The following TLN2 variants were observed in gnomAD, a reference collection of about 807,000 sequenced individuals.
The protein encoded by TLN2 is talin 2, also known as talin-2.
In TLN2, 118 loss-of-function variants were observed where a neutral mutation model predicts 294.7. The observed-to-expected ratio is 0.40, with a 90% confidence interval of 0.34 to 0.47. The LOEUF is 0.47. Ranked by LOEUF, TLN2 falls within the 20% of genes least tolerant of loss-of-function variation. The pLI is 0.84. For synonymous variants in TLN2, 1,431 were observed against 1,304.5 expected (o/e 1.10, Z -2.09); for missense variants, 3,083 against 3,282.2 (o/e 0.94, Z 1.48).
chr15:62,627,379 T>C (rs549734120), intron 3 of TLN2, among the ~76,000 whole-genome samples: 4 of 152,334 alleles, frequency 2.6e-5, no homozygotes, highest in Admixed American at 1.3e-4. Context: ...TTGTTGCTCC[T>C]GATGGAGGGA....
chr15:62,723,478 C>T (rs1287760171), intron 26 of TLN2, among the ~76,000 whole-genome samples: 1 of 152,044 alleles, frequency 6.6e-6, no homozygotes, highest in Admixed American at 6.5e-5. Flanking sequence ...AAAGCAGTGA[C>T]CCCTAAAGTG....
At chr15:62,739,128 C>G (rs2061182027) in intron 30 of TLN2, among the ~76,000 whole-genome samples, 2 of 152,162 alleles carry the variant, frequency 1.3e-5, no homozygotes, top group South Asian at 4.2e-4. Flanking sequence ...TCCACAGTGT[C>G]TAGCACTGAG....
chr15:62,478,023 G>A (rs1198054808), intron 1 of TLN2, among the ~76,000 whole-genome samples: 3 of 152,112 alleles, frequency 2.0e-5, no homozygotes, highest in African/African-American at 4.8e-5. Flanking sequence ...ATTGATTCTC[G>A]CCCTAAATAG....
chr15:62,643,787 G>A (rs2051463184), intron 3 of TLN2, among the ~76,000 whole-genome samples: 1 of 152,096 alleles, frequency 6.6e-6, no homozygotes. Flanking sequence ...TCTGCACCCA[G>A]GGTCCTTTCC....
Position 62,717,584 on chromosome 15 carries a change from C to T in TLN2, c.2772C>T (p.Ala924=), listed in dbSNP as rs750746015. The change falls in exon 24 of 59, where the codon GCC becomes GCT. Residue 924 remains alanine (A), a synonymous_variant. Coordinates refer to ENST00000636159, the MANE Select transcript of TLN2 (RefSeq NM_015059.3). ...KKIVNRLEVA[A]KQAAAAATQT... ...CTATCACTCCTCTGCAGGTTGCAGC[C>T]AAGCAGGCCGCAGCGGCAGCCACAC... The T allele has an allele frequency of 7.6e-6, 12 of 1,569,834 alleles. No individual in the cohort carries two copies. Among genetic ancestry groups the T allele is most frequent in the Admixed American group, 2.0e-5 (1 of 50,372 alleles).
chr15:62,783,916 T>G, intron 45 of TLN2, 26 bp downstream of exon 45: 1 of 1,612,856 alleles, frequency 6.2e-7, no homozygotes, highest in Non-Finnish European at 8.5e-7. Context: ...ACCCCTATTT[T>G]AAGATGCACA....
rs576353517 is a variant in TLN2, at chr15:62,421,026, G to A, written c.-238+30341G>A. ...TCATTAGATGAATGCACACTTACAC[G>A]TAGACATACATATAGTTTAGAAGGT... On this transcript the variant is annotated intron_variant, in intron 1 of 58. Coordinates refer to ENST00000636159, the MANE Select transcript of TLN2 (RefSeq NM_015059.3). Among the ~76,000 whole-genome samples the A allele has an allele frequency of 5.9e-5, 9 of 152,274 alleles. No homozygotes were observed. In the East Asian group the frequency reaches 1.2e-3, roughly 20 times the overall value.
At chr15:62,467,528 A>C (rs2037208093) in intron 1 of TLN2, among the ~76,000 whole-genome samples, 1 of 152,152 alleles carries the variant, frequency 6.6e-6, no homozygotes. Context: ...CCTCGTCTCT[A>C]CTAAAAATAC....
intron 28 of TLN2, 145 bp from the exon 29 acceptor site, chr15:62,736,733 T>C (rs1449726351): frequency 3.3e-6 from 3 of 902,566 alleles, no homozygotes; most frequent in East Asian, 2.7e-5. Flanking sequence ...AGCTACTTCT[T>C]TGAGAAACAC....
chr15:62,484,182 G>T (rs2038256819), intron 1 of TLN2, among the ~76,000 whole-genome samples: 1 of 152,154 alleles, frequency 6.6e-6, no homozygotes, highest in Non-Finnish European at 1.5e-5. Context: ...GGCTGCTGGG[G>T]GTAGTTTACT....
intron 45 of TLN2, among the ~76,000 whole-genome samples, chr15:62,786,738 T>A (rs945076728): frequency 6.6e-6 from 1 of 152,104 alleles, no homozygotes; most frequent in African/African-American, 2.4e-5. Flanking sequence ...TTCTCTAAAA[T>A]TTTCCACCCC....
chr15:62,646,410 C>T (rs953822070), intron 3 of TLN2, among the ~76,000 whole-genome samples: 1 of 152,178 alleles, frequency 6.6e-6, no homozygotes, highest in African/African-American at 2.4e-5. Flanking sequence ...GATCCGCCCC[C>T]CTCAGCCTCC....
rs77295911 is a variant in TLN2 at position 62,483,899 on chromosome 15, G to C, written c.-238+93214G>C. Among the ~76,000 whole-genome samples the C allele has an allele frequency of 3.4e-3, 524 of 152,316 alleles. 2 individuals are homozygous for C. Among genetic ancestry groups the C allele is most frequent in the Non-Finnish European group, 5.3e-3 (363 of 68,038 alleles). ...ACACCCATGGATTACATTTGGCAGC[G>C]TTTCTTTGGCCAGCTGCATGCCTCC... On this transcript the variant is annotated intron_variant, in intron 1 of 58. Coordinates refer to ENST00000636159, the MANE Select transcript of TLN2 (RefSeq NM_015059.3).
In TLN2 at chr15:62,631,559, TTCC is replaced by T. The variant is rs2049865350; in HGVS notation, c.-37+13086_-37+13088del. ...TTCCTTTCCTTTCCATTCCTTTCCT[TTCC>T]TTTCCTTTCCTTTCTTTCTCTCTCT... On this transcript the variant is annotated intron_variant, in intron 3 of 58. Transcript: ENST00000636159. Among the ~76,000 whole-genome samples, 8 of 147,584 alleles carry T rather than the reference TTCC, an allele frequency of 5.4e-5. No individual in the cohort carries two copies. The South Asian group carries it at 1.8e-3, about 33-fold the overall frequency.
intron 1 of TLN2, among the ~76,000 whole-genome samples, chr15:62,426,262 C>G (rs772347799): frequency 2.0e-5 from 3 of 152,152 alleles, no homozygotes; most frequent in African/African-American, 4.8e-5. Flanking sequence ...GTAGGTACAG[C>G]CTGTAAAGGT....
At chr15:62,818,061 G>A (rs916429673) in intron 52 of TLN2, among the ~76,000 whole-genome samples, 30 of 151,984 alleles carry the variant, frequency 2.0e-4, no homozygotes, top group Admixed American at 4.6e-4. Context: ...CTACCCGCCC[G>A]AGCCTCCCAA....
At chr15:62,750,344 G>A (rs2061858215) in intron 33 of TLN2, 58 bp from the exon 34 acceptor site, 2 of 1,439,226 alleles carry the variant, frequency 1.4e-6, no homozygotes, top group Non-Finnish European at 2.0e-6. Flanking sequence ...AGTTGATGTT[G>A]AATTTCTTTT....
At chr15:62,582,655 A>C (rs2140700452) in intron 1 of TLN2, among the ~76,000 whole-genome samples, 1 of 152,282 alleles carries the variant, frequency 6.6e-6, no homozygotes, top group Non-Finnish European at 1.5e-5. Flanking sequence ...CATAAGGTGC[A>C]CTGGCTTAGT....
At chr15:62,628,557 A>G (rs183887289) in intron 3 of TLN2, among the ~76,000 whole-genome samples, 60 of 152,394 alleles carry the variant, frequency 3.9e-4, no homozygotes, top group Admixed American at 9.1e-4. Context: ...CATTTTTCAT[A>G]GAAAGATCTA....
Sources: allele counts gnomAD v4.1 joint callset (sites outside exome capture counted in the v4.1 genomes callset), GRCh38; gene constraint gnomAD v4.1.1; transcripts MANE v1.5; gene names NCBI Gene and HGNC (gene_info 2026-07-23, HGNC 2026-07-21).